The following PBX3 variants were observed in gnomAD, a reference collection of about 807,000 sequenced individuals.
PBX3 encodes the protein PBX homeobox 3, also known as pre-B-cell leukemia transcription factor 3.
In PBX3, 14 loss-of-function variants were observed where a neutral mutation model predicts 48.5. The observed-to-expected ratio is 0.29, with a 90% confidence interval of 0.19 to 0.45. PBX3 has a LOEUF of 0.45. Among genes scored for constraint, PBX3 ranks in the 20% least tolerant of loss-of-function variants. The probability of loss-of-function intolerance (pLI) is 1.00; values close to 1 mark genes in which losing one functional copy is unlikely to be tolerated. For missense variants in PBX3, 386 were observed against 546.7 expected (o/e 0.71, Z 2.93); for synonymous variants, 210 against 200.3 (o/e 1.05, Z -0.41).
chr9:125,945,101 G>A (rs1842038731), intron 5 of PBX3, among the ~76,000 whole-genome samples: 1 of 152,112 alleles, frequency 6.6e-6, no homozygotes, highest in African/African-American at 2.4e-5. Context: ...GCGCATGCCG[G>A]TGGTTCTAGC....
intron 2 of PBX3, among the ~76,000 whole-genome samples, chr9:125,761,592 A>T (rs1233930953): frequency 6.6e-6 from 1 of 151,974 alleles, no homozygotes; most frequent in Non-Finnish European, 1.5e-5. Flanking sequence ...ACAGGGCCCC[A>T]CTCATCTCAG....
intron 2 of PBX3, among the ~76,000 whole-genome samples, chr9:125,874,224 A>G (rs1840195105): frequency 6.6e-6 from 1 of 152,170 alleles, no homozygotes; most frequent in African/African-American, 2.4e-5. Flanking sequence ...TAAAGAGAAC[A>G]TCAGGACCAG....
At chr9:125,811,661 G>A (rs993470481) in intron 2 of PBX3, among the ~76,000 whole-genome samples, 1 of 152,130 alleles carries the variant, frequency 6.6e-6, no homozygotes, top group Non-Finnish European at 1.5e-5. Context: ...CTTCATAGCA[G>A]CATGAGAATG....
intron 2 of PBX3, among the ~76,000 whole-genome samples, chr9:125,878,968 A>G (rs949334240): frequency 6.6e-6 from 1 of 151,578 alleles, no homozygotes; most frequent in African/African-American, 2.4e-5. Context: ...TTTTTTTCCC[A>G]TGGAAGGAGT....
chr9:125,948,173 A>G (rs1334297839), intron 5 of PBX3, among the ~76,000 whole-genome samples: 1 of 152,196 alleles, frequency 6.6e-6, no homozygotes, highest in East Asian at 1.9e-4. Flanking sequence ...GCTGATGCTG[A>G]TGGTTCTGGA....
intron 2 of PBX3, among the ~76,000 whole-genome samples, chr9:125,888,459 C>T (rs1840553636): frequency 6.6e-6 from 1 of 152,126 alleles, no homozygotes; most frequent in Non-Finnish European, 1.5e-5. Context: ...AGGATTAAGT[C>T]ACTCTGCTGT....
At position 125,850,670 on chromosome 9, in the gene PBX3, A is replaced by G. The variant is rs1250774035; in HGVS notation, c.275-65016A>G. Among the ~76,000 whole-genome samples the G allele has an allele frequency of 2.0e-5, 3 of 152,152 alleles. No individual in the cohort carries two copies. The South Asian group carries it at 6.2e-4, about 32-fold the overall frequency. On this transcript the variant is annotated intron_variant, in intron 2 of 8. Coordinates refer to ENST00000373489, the MANE Select transcript of PBX3 (RefSeq NM_006195.6). ...AGTCAGTATTGTACTGAAAAATTAT[A>G]ATTTGTAAAGCTTCTCCCCTTGTTT...
intron 2 of PBX3, among the ~76,000 whole-genome samples, chr9:125,751,274 A>G (rs547287860): frequency 6.6e-6 from 1 of 152,180 alleles, no homozygotes; most frequent in Non-Finnish European, 1.5e-5. Context: ...GGATAATGTC[A>G]TTTCAGTTGT....
intron 2 of PBX3, among the ~76,000 whole-genome samples, chr9:125,852,496 C>G (rs907067844): frequency 1.3e-5 from 2 of 152,104 alleles, no homozygotes; most frequent in African/African-American, 4.8e-5. Flanking sequence ...ATTTGGCTTT[C>G]GGAACAATTG....
chr9:125,916,154 T>G (rs1588292382), intron 3 of PBX3, among the ~76,000 whole-genome samples: 1 of 152,214 alleles, frequency 6.6e-6, no homozygotes, highest in East Asian at 1.9e-4. Context: ...TGTTTTAGTT[T>G]TATTCATTCC....
At chr9:125,895,780 C>T (rs1283999399) in intron 2 of PBX3, among the ~76,000 whole-genome samples, 1 of 151,970 alleles carries the variant, frequency 6.6e-6, no homozygotes, top group East Asian at 1.9e-4. Context: ...TATTTTCATG[C>T]ATACAAAATA....
Position 125,811,513 on chromosome 9 carries a change from C to T in PBX3, c.274+62890C>T, listed in dbSNP as rs376937225. On this transcript the variant is annotated intron_variant, in intron 2 of 8. Coordinates refer to ENST00000373489, the MANE Select transcript of PBX3 (RefSeq NM_006195.6). ...ATAAGGAGTTTCCCCCTTTGCTTGG[C>T]TGTCATTCTCTGTCTTGCTTCCCTG... Among the ~76,000 whole-genome samples the T allele has an allele frequency of 9.8e-5, 15 of 152,316 alleles. No homozygotes were observed. In the South Asian group the frequency reaches 2.9e-3, roughly 29 times the overall value.
intron 2 of PBX3, among the ~76,000 whole-genome samples, chr9:125,762,487 A>G (rs912343224): frequency 6.6e-6 from 1 of 151,908 alleles, no homozygotes; most frequent in Non-Finnish European, 1.5e-5. Flanking sequence ...TATTTATGGT[A>G]TTTTCTTTGC....
At chr9:125,828,063 CTT>C in intron 2 of PBX3, among the ~76,000 whole-genome samples, 1 of 152,164 alleles carries the variant, frequency 6.6e-6, no homozygotes. Flanking sequence ...TAGGTTTGGA[CTT>C]TTGCTGGATA....
intron 5 of PBX3, among the ~76,000 whole-genome samples, chr9:125,938,761 C>G (rs527638440): frequency 6.6e-6 from 1 of 152,022 alleles, no homozygotes; most frequent in East Asian, 1.9e-4. Context: ...AATACTTTAC[C>G]CTAGACTGGA....
At chr9:125,948,591 A>AGCCATGTTTT (rs1337430992) in intron 5 of PBX3, among the ~76,000 whole-genome samples, 6 of 152,140 alleles carry the variant, frequency 3.9e-5, no homozygotes, top group African/African-American at 1.4e-4. Flanking sequence ...ATACAGCTAA[A>AGCCATGTTTT]GCCATGTTTA....
chr9:125,908,423 G>C (rs894806499), intron 2 of PBX3, among the ~76,000 whole-genome samples: 1 of 152,074 alleles, frequency 6.6e-6, no homozygotes, highest in African/African-American at 2.4e-5. Context: ...AGCAGAATGT[G>C]GGAATGGGGG....
At chr9:125,919,650 A>C (rs557275729) in intron 3 of PBX3, among the ~76,000 whole-genome samples, 7 of 152,352 alleles carry the variant, frequency 4.6e-5, no homozygotes, top group Admixed American at 3.3e-4. Flanking sequence ...AATTGTGTTG[A>C]GTCTTTTAGA....
At chr9:125,865,729 T>C (rs927290556) in intron 2 of PBX3, among the ~76,000 whole-genome samples, 108 of 152,150 alleles carry the variant, frequency 7.1e-4, no homozygotes, top group Non-Finnish European at 1.4e-3. Flanking sequence ...AGCACTAAAC[T>C]CATTTAAGTC....
Sources: allele counts gnomAD v4.1 joint callset (sites outside exome capture counted in the v4.1 genomes callset), GRCh38; gene constraint gnomAD v4.1.1; transcripts MANE v1.5; gene names NCBI Gene and HGNC (gene_info 2026-07-23, HGNC 2026-07-21).